Variants in CNIH3 observed in about 807,000 individuals in gnomAD.
CNIH3 encodes cornichon family AMPA receptor auxiliary protein 3.
CNIH3 carries 14 observed loss-of-function variants against 24.1 expected under a neutral mutation model. That is an observed-to-expected ratio of 0.58 (90% CI 0.38 to 0.91). CNIH3 has a LOEUF of 0.91. Among genes scored for constraint, CNIH3 ranks in the 40% least tolerant of loss-of-function variants. CNIH3 has a pLI of 0.00. For missense variants in CNIH3, 178 were observed against 196.8 expected, an observed-to-expected ratio of 0.90 and a Z score of 0.57; for synonymous variants, 68 against 73.8, an observed-to-expected ratio of 0.92 and a Z score of 0.40.
At chr1:224,699,671 C>G (rs998147259) in intron 3 of CNIH3, among the ~76,000 whole-genome samples, 1 of 152,182 alleles carries the variant, frequency 6.6e-6, no homozygotes, top group Non-Finnish European at 1.5e-5. Flanking sequence ...TTTAAGCATA[C>G]CTTTAGAATG....
chr1:224,569,956 G>T (rs1190046841), intron 4 of CNIH3, among the ~76,000 whole-genome samples: 3 of 151,928 alleles, frequency 2.0e-5, no homozygotes, highest in African/African-American at 7.3e-5. Flanking sequence ...GCTAATTTTT[G>T]TAGTTTTAGT....
chr1:224,735,982 G>C (rs989905215), intron 5 of CNIH3, among the ~76,000 whole-genome samples: 3 of 151,828 alleles, frequency 2.0e-5, no homozygotes, highest in African/African-American at 7.3e-5. Context: ...TGTACGTATC[G>C]CTCAATTTAT....
intron 4 of CNIH3, among the ~76,000 whole-genome samples, chr1:224,582,658 A>G (rs1681326868): frequency 1.3e-5 from 2 of 152,196 alleles, no homozygotes; most frequent in Admixed American, 6.5e-5. Context: ...TGTTGAAATC[A>G]GCGTGGGGGA....
At position 224,723,262 on chromosome 1, in the gene CNIH3, G is replaced by A. The variant is rs562857357; in HGVS notation, c.199-7200G>A. On this transcript the variant is annotated intron_variant, in intron 3 of 5. Coordinates refer to ENST00000272133, the MANE Select transcript of CNIH3 (RefSeq NM_152495.2). ...TCAGGCACAGCTAAGTCCCAACAGG[G>A]GCCTCTGGGCCATCACACCCTGGGT... is the stretch of plus-strand genomic sequence containing the variant. Among the ~76,000 whole-genome samples, 7 of 152,260 alleles carry A rather than the reference G, an allele frequency of 4.6e-5. No individual in the cohort carries two copies. The South Asian group carries it at 1.2e-3, about 27-fold the overall frequency.
chr1:224,727,478 T>C (rs1207205857), intron 3 of CNIH3, among the ~76,000 whole-genome samples: 1 of 152,188 alleles, frequency 6.6e-6, no homozygotes, highest in Non-Finnish European at 1.5e-5. Flanking sequence ...GAGAATTTTG[T>C]ATCAGCCGTT....
intron 3 of CNIH3, among the ~76,000 whole-genome samples, chr1:224,716,899 A>G (rs1368415797): frequency 6.6e-6 from 1 of 152,216 alleles, no homozygotes; most frequent in Admixed American, 6.5e-5. Flanking sequence ...AGGCCCCTTC[A>G]GAACACCCAC....
At chr1:224,707,429 A>G (rs989394310) in intron 3 of CNIH3, among the ~76,000 whole-genome samples, 2 of 150,902 alleles carry the variant, frequency 1.3e-5, no homozygotes, top group Non-Finnish European at 3.0e-5. Context: ...ATGGAGAGAC[A>G]CCCCCCGCCC....
chr1:224,434,905 G>C lies in CNIH3; in HGVS notation n.203+43G>C, dbSNP rs1025903505. On this transcript the variant is annotated intron_variant and non_coding_transcript_variant, in intron 1 of 5. Coordinates refer to the CNIH3 transcript ENST00000471578. ...GGCCTGTCACCCAGCACGTGCATCG[G>C]GGGCTGTCCCGGGGGTCAGGGGAGG... is the stretch of plus-strand genomic sequence containing the variant. 5 of 985,878 alleles carry C rather than the reference G, an allele frequency of 5.1e-6. 1 individual carries two copies. Among genetic ancestry groups the C allele is most frequent in the East Asian group, 1.1e-4 (1 of 8,824 alleles). The allele number at this position is 985,878 out of a possible 1,614,324, so 61.1% of individuals were successfully genotyped here.
In CNIH3 at chr1:224,526,516, A is replaced by T. The variant is rs575259058; in HGVS notation, n.343+5189A>T. ...ATGCCTCTGGAATGGTGAGAAATAG[A>T]TTTCTTTTTTGCGGGTGGGAGAGCA... On this transcript the variant is annotated intron_variant and non_coding_transcript_variant, in intron 2 of 2. Transcript: ENST00000470602. 2.5e-3 allele frequency among the ~76,000 whole-genome samples: 381 copies of T among 152,050 alleles called. 2 individuals are homozygous for T. Among genetic ancestry groups the T allele is most frequent in the African/African-American group, 8.7e-3 (360 of 41,444 alleles).
chr1:224,498,759 G>C lies in CNIH3; in HGVS notation n.204-16982G>C, dbSNP rs189059315. ...TTACCATGCGCTGCTTCAGCACAGG[G>C]GAAGATGCGGGGGGCAAGGAACCTT... On this transcript the variant is annotated intron_variant and non_coding_transcript_variant, in intron 1 of 5. Coordinates refer to the CNIH3 transcript ENST00000471578. 3.0e-3 allele frequency among the ~76,000 whole-genome samples: 459 copies of C among 152,358 alleles called. 2 individuals carry two copies. Among genetic ancestry groups the C allele is most frequent in the African/African-American group, 0.01 (427 of 41,574 alleles).
At chr1:224,542,632 G>A (rs1342172701) in intron 2 of CNIH3, among the ~76,000 whole-genome samples, 1 of 152,160 alleles carries the variant, frequency 6.6e-6, no homozygotes, top group Non-Finnish European at 1.5e-5. Context: ...AGGATATGAT[G>A]TAGCTCATAG....
At chr1:224,476,792 GAAAAA>G (rs929886459) in intron 1 of CNIH3, among the ~76,000 whole-genome samples, 3 of 150,970 alleles carry the variant, frequency 2.0e-5, no homozygotes, top group African/African-American at 7.3e-5. Flanking sequence ...CACAGAAATA[GAAAAA>G]AAAATCCTAA....
In CNIH3 at chr1:224,645,856, C is replaced by G. The variant is rs537329018; in HGVS notation, c.81+28601C>G. Among the ~76,000 whole-genome samples, 9 of 152,254 alleles carry G rather than the reference C, an allele frequency of 5.9e-5. No homozygotes were observed. In the South Asian group the frequency reaches 1.9e-3, roughly 32 times the overall value. ...TCGCTCCAAGGGAATTAATAAGGACCAAATGGCCAAAGGGCAGGAAGCAGT... is the reference window on the plus strand; with the variant it reads ...TCGCTCCAAGGGAATTAATAAGGACGAAATGGCCAAAGGGCAGGAAGCAGT... On this transcript the variant is annotated intron_variant, in intron 1 of 5. Coordinates refer to ENST00000272133, the MANE Select transcript of CNIH3 (RefSeq NM_152495.2).
At chr1:224,688,413 C>T (rs1056819129) in intron 3 of CNIH3, among the ~76,000 whole-genome samples, 1 of 152,062 alleles carries the variant, frequency 6.6e-6, no homozygotes, top group African/African-American at 2.4e-5. Flanking sequence ...TCTGGATGGT[C>T]AGCAATTTTG....
At chr1:224,474,753 G>A (rs1676501455) in intron 1 of CNIH3, among the ~76,000 whole-genome samples, 4 of 152,102 alleles carry the variant, frequency 2.6e-5, no homozygotes, top group South Asian at 2.1e-4. Context: ...CGGAGCCCGG[G>A]CCGGTGGCTC....
intron 2 of CNIH3, among the ~76,000 whole-genome samples, chr1:224,543,503 T>G (rs1237116152): frequency 2.0e-5 from 3 of 152,194 alleles, no homozygotes; most frequent in Non-Finnish European, 4.4e-5. Flanking sequence ...CCCTCAAACT[T>G]GCAGCTGGTT....
intron 1 of CNIH3, among the ~76,000 whole-genome samples, chr1:224,461,993 T>A (rs79098424): frequency 0.066 from 10,091 of 151,904 alleles, 516 homozygotes; most frequent in East Asian, 0.16. Flanking sequence ...TCCTTTTTTT[T>A]AAAAAAAAGA....
At chr1:224,674,044 G>GTTC (rs998032772) in intron 1 of CNIH3, among the ~76,000 whole-genome samples, 1 of 152,198 alleles carries the variant, frequency 6.6e-6, no homozygotes, top group African/African-American at 2.4e-5. Flanking sequence ...GTTCACAAGA[G>GTTC]TTCTTATGCA....
intron 3 of CNIH3, among the ~76,000 whole-genome samples, chr1:224,550,556 A>G (rs1443560969): frequency 6.6e-6 from 1 of 152,232 alleles, no homozygotes; most frequent in East Asian, 1.9e-4. Flanking sequence ...ACAGGATGTT[A>G]TAGAAATAAC....
Sources: gnomAD v4.1 joint callset for allele counts (sites outside exome capture counted in the v4.1 genomes callset) on GRCh38, gnomAD v4.1.1 for gene constraint, MANE v1.5 for transcripts, NCBI Gene and HGNC (gene_info 2026-07-23, HGNC 2026-07-21) for gene names.